ZPBP: variants seen among roughly 807,000 people sequenced by gnomAD.
ZPBP encodes the protein zona pellucida binding protein.
Under a neutral mutation model 44.8 loss-of-function variants are expected in ZPBP, and 26 were observed. The observed-to-expected ratio is 0.58, with a 90% CI of 0.43 to 0.81. The LOEUF (loss-of-function observed/expected upper bound fraction) is 0.81, where lower values mean the gene tolerates loss of function less well. Among genes scored for constraint, ZPBP ranks in the 30% least tolerant of loss-of-function variants. The probability of loss-of-function intolerance (pLI) is 0.00; values close to 1 mark genes in which losing one functional copy is unlikely to be tolerated. For missense variants in ZPBP, 409 were observed against 434.0 expected, an observed-to-expected ratio of 0.94 and a Z score of 0.51; for synonymous variants, 174 against 153.2, an observed-to-expected ratio of 1.14 and a Z score of -1.00.
At chr7:49,969,053 G>C (rs1377993335) in intron 7 of ZPBP, among the ~76,000 whole-genome samples, 2 of 151,580 alleles carry the variant, frequency 1.3e-5, no homozygotes, top group East Asian at 3.9e-4. Context: ...AGGATGGGCT[G>C]TAAAGAGACC....
intron 3 of ZPBP, among the ~76,000 whole-genome samples, chr7:50,074,673 T>C (rs924211305): frequency 9.9e-5 from 15 of 151,476 alleles, no homozygotes; most frequent in Non-Finnish European, 1.6e-4. Context: ...AGAAAAAAAA[T>C]GGTCACTATA....
chr7:49,874,856 CAG>C (rs77172953), intron 2 of ZPBP, among the ~76,000 whole-genome samples: 28,686 of 151,920 alleles, frequency 0.19, 3,772 homozygotes, highest in East Asian at 0.63. Flanking sequence ...ATTCAGAATT[CAG>C]AGAGTATGGC....
At chr7:50,031,456 C>T (rs1799605353) in intron 4 of ZPBP, 146 bp from the exon 5 acceptor site, 1 of 665,238 alleles carries the variant, frequency 1.5e-6, no homozygotes, top group South Asian at 2.2e-5. Flanking sequence ...AGTTCTCCAA[C>T]ACTTATCTTG....
intron 1 of ZPBP, chr7:49,916,463 T>C (rs769953055): frequency 2.0e-5 from 3 of 152,226 alleles, no homozygotes; most frequent in Non-Finnish European, 2.9e-5. Context: ...GTAGTTCTTA[T>C]TGGAAGAATT....
At chr7:49,858,304 C>T (rs972664243) in intron 2 of ZPBP, among the ~76,000 whole-genome samples, 13 of 151,896 alleles carry the variant, frequency 8.6e-5, no homozygotes, top group African/African-American at 3.1e-4. Context: ...TGGAACCAAC[C>T]CAAATGTCCA....
chr7:50,051,576 T>C (rs537856555), intron 4 of ZPBP, among the ~76,000 whole-genome samples: 4 of 152,228 alleles, frequency 2.6e-5, no homozygotes, highest in African/African-American at 9.6e-5. Flanking sequence ...CCATCAGTGA[T>C]AGACTGGATA....
At chr7:49,978,449 TAA>T (rs1400688257) in intron 7 of ZPBP, among the ~76,000 whole-genome samples, 3 of 152,064 alleles carry the variant, frequency 2.0e-5, no homozygotes, top group African/African-American at 7.2e-5. Context: ...GTGGAAATGT[TAA>T]GTCTTCACTA....
At chr7:50,032,065 T>G (rs1056795047) in intron 4 of ZPBP, among the ~76,000 whole-genome samples, 1 of 152,142 alleles carries the variant, frequency 6.6e-6, no homozygotes. Context: ...CCAGCCATTG[T>G]TTACTTTCTT....
intron 6 of ZPBP, among the ~76,000 whole-genome samples, chr7:50,008,795 A>T (rs1423947659): frequency 1.3e-5 from 2 of 152,116 alleles, no homozygotes; most frequent in South Asian, 2.1e-4. Context: ...ATCGCTGGAG[A>T]ACAAGGAAAA....
At chr7:49,928,794 C>T (rs530909058) in intron 1 of ZPBP, among the ~76,000 whole-genome samples, 35 of 152,256 alleles carry the variant, frequency 2.3e-4, no homozygotes, top group Middle Eastern at 3.4e-3. Context: ...GGTTAGATAA[C>T]GCCTACCTCA....
chr7:50,039,060 C>T (rs897088315), intron 4 of ZPBP, among the ~76,000 whole-genome samples: 5 of 151,854 alleles, frequency 3.3e-5, no homozygotes, highest in Admixed American at 2.6e-4. Context: ...CGTAAGGAAA[C>T]GGGACATATA....
chr7:50,034,649 GA>G (rs796538868), intron 4 of ZPBP, among the ~76,000 whole-genome samples: 21 of 146,504 alleles, frequency 1.4e-4, no homozygotes, highest in African/African-American at 3.7e-4. Flanking sequence ...AACCAAATTT[GA>G]AAAAAAAAAC....
chr7:50,000,361 A>G (rs1798039422), intron 6 of ZPBP, among the ~76,000 whole-genome samples: 1 of 152,192 alleles, frequency 6.6e-6, no homozygotes, highest in Admixed American at 6.5e-5. Flanking sequence ...ATACTCTGAA[A>G]GAAAAGAAAA....
At chr7:50,009,384 C>T (rs896984579) in intron 6 of ZPBP, among the ~76,000 whole-genome samples, 4 of 151,242 alleles carry the variant, frequency 2.6e-5, no homozygotes, top group African/African-American at 9.8e-5. Context: ...CACAAGTTCA[C>T]CTTCTTGCTG....
intron 2 of ZPBP, among the ~76,000 whole-genome samples, chr7:50,084,558 C>G (rs1269276731): frequency 6.6e-6 from 1 of 151,846 alleles, no homozygotes; most frequent in Non-Finnish European, 1.5e-5. Flanking sequence ...CCAACACAGA[C>G]AGATGCCAAG....
chr7:49,887,182 C>T (rs1214536180), intron 2 of ZPBP, among the ~76,000 whole-genome samples: 1 of 152,164 alleles, frequency 6.6e-6, no homozygotes, highest in Non-Finnish European at 1.5e-5. Flanking sequence ...GGATTTCCCC[C>T]CCAATCTCAA....
chr7:49,953,332 T>C (rs1385963290), intron 7 of ZPBP, among the ~76,000 whole-genome samples: 1 of 152,126 alleles, frequency 6.6e-6, no homozygotes, highest in Non-Finnish European at 1.5e-5. Flanking sequence ...GAGGAAGCTA[T>C]GTTAGTCTGG....
intron 6 of ZPBP, among the ~76,000 whole-genome samples, chr7:49,999,722 T>G (rs1055984301): frequency 6.6e-6 from 1 of 151,396 alleles, no homozygotes; most frequent in Non-Finnish European, 1.5e-5. Flanking sequence ...TATTTTGTTC[T>G]ATTCAAGTTC....
chr7:50,093,084 C>G lies in ZPBP; in HGVS notation c.111G>C (p.Val37=). The G allele has an allele frequency of 6.2e-7, 1 of 1,600,896 alleles. No homozygotes were observed. The highest frequency in any genetic ancestry group is 8.5e-7 in the Non-Finnish European group (1 of 1,174,018). ...AILLFISAFL[V]RVPSSVGHLV... Reference sequence around the variant, plus strand: ...GACCCTCACCTGATGAGGGCACCCGCACCAGGAAGGCGGAGATAAAGAGGA... The same window carrying G: ...GACCCTCACCTGATGAGGGCACCCGGACCAGGAAGGCGGAGATAAAGAGGA... The change falls in exon 1 of 8, where the codon GTG becomes GTC. Residue 37 remains valine, a synonymous_variant. Coordinates refer to ENST00000046087, the MANE Select transcript of ZPBP (RefSeq NM_007009.3).
Sources: allele counts gnomAD v4.1 joint callset (sites outside exome capture counted in the v4.1 genomes callset), GRCh38; gene constraint gnomAD v4.1.1; transcripts MANE v1.5; gene names NCBI Gene and HGNC (gene_info 2026-07-23, HGNC 2026-07-21).